Variants in PRKCE observed in about 807,000 individuals in gnomAD.
The protein encoded by PRKCE is protein kinase C epsilon type.
Under a neutral mutation model 85.4 loss-of-function variants are expected in PRKCE, and 16 were observed. That is an observed-to-expected ratio of 0.19 (90% CI 0.13 to 0.28). The LOEUF is 0.28. Among genes scored for constraint, PRKCE ranks in the 10% least tolerant of loss-of-function variants. The pLI, the probability that PRKCE is intolerant of heterozygous loss-of-function variation, is 1.00. For missense variants in PRKCE, 573 were observed against 975.2 expected, an observed-to-expected ratio of 0.59 and a Z score of 5.49; for synonymous variants, 388 against 371.5, an observed-to-expected ratio of 1.04 and a Z score of -0.51.
chr2:46,170,994 G>A (rs879323598), intron 14 of PRKCE, among the ~76,000 whole-genome samples: 4 of 152,204 alleles, frequency 2.6e-5, no homozygotes, highest in South Asian at 4.1e-4. Context: ...CAATAAGACG[G>A]CTTTAAAAAG....
intron 2 of PRKCE, among the ~76,000 whole-genome samples, chr2:45,844,392 A>G (rs944067006): frequency 1.3e-5 from 2 of 152,234 alleles, no homozygotes; most frequent in African/African-American, 4.8e-5. Context: ...ACTGCCCAGA[A>G]TAGAACCTGT....
chr2:46,178,061 A>T (rs1234731267), intron 14 of PRKCE, among the ~76,000 whole-genome samples: 1 of 152,188 alleles, frequency 6.6e-6, no homozygotes, highest in Non-Finnish European at 1.5e-5. Context: ...GGAGTTCGAG[A>T]CCAGCCTGAC....
Position 45,940,436 on chromosome 2 carries a change from A to G in PRKCE, c.413-35993A>G, listed in dbSNP as rs1699790747. 2.0e-5 allele frequency among the ~76,000 whole-genome samples: 3 copies of G among 152,222 alleles called. No individual in the cohort carries two copies. The South Asian group carries it at 6.2e-4, about 31-fold the overall frequency. Reference sequence around the variant, plus strand: ...TGGATGGCCAGAGTATGTGTTTATAATTTATATGAAAACATTTCAAAATGT... The same window carrying G: ...TGGATGGCCAGAGTATGTGTTTATAGTTTATATGAAAACATTTCAAAATGT... On this transcript the variant is annotated intron_variant, in intron 2 of 14. Transcript: ENST00000306156.
intron 1 of PRKCE, among the ~76,000 whole-genome samples, chr2:45,718,624 G>A (rs150267860): frequency 0.045 from 6,829 of 152,184 alleles, 368 homozygotes; most frequent in East Asian, 0.15. Flanking sequence ...TTATAGGCAT[G>A]AGCCACTGCG....
At chr2:45,757,667 A>G (rs922406139) in intron 1 of PRKCE, among the ~76,000 whole-genome samples, 1 of 152,198 alleles carries the variant, frequency 6.6e-6, no homozygotes, top group South Asian at 2.1e-4. Flanking sequence ...TCCTGTCTCT[A>G]TTAAAAAATA....
intron 1 of PRKCE, among the ~76,000 whole-genome samples, chr2:45,717,994 T>G (rs1680286794): frequency 6.6e-6 from 1 of 152,262 alleles, no homozygotes; most frequent in East Asian, 1.9e-4. Context: ...TGGCTGGTTC[T>G]ATAAGAATCC....
intron 10 of PRKCE, among the ~76,000 whole-genome samples, chr2:46,035,526 C>T (rs989437282): frequency 3.3e-5 from 5 of 152,324 alleles, no homozygotes; most frequent in East Asian, 1.9e-4. Flanking sequence ...GGGGTGCCCT[C>T]CCAGACTTAG....
chr2:45,707,847 C>T (rs1378807375), intron 1 of PRKCE, among the ~76,000 whole-genome samples: 1 of 152,212 alleles, frequency 6.6e-6, no homozygotes, highest in Admixed American at 6.5e-5. Flanking sequence ...GTCCCCTTCT[C>T]CTTAGTTCCC....
At chr2:45,961,067 A>G (rs1701343471) in intron 2 of PRKCE, among the ~76,000 whole-genome samples, 1 of 152,236 alleles carries the variant, frequency 6.6e-6, no homozygotes, top group Non-Finnish European at 1.5e-5. Context: ...CTGAATTCCC[A>G]GCTCTCAGGA....
intron 10 of PRKCE, chr2:46,078,319 A>G (rs912157606): frequency 6.6e-6 from 1 of 151,232 alleles, no homozygotes; most frequent in Non-Finnish European, 1.5e-5. Context: ...ACTTGAGGCC[A>G]GGAGTCAGGA....
chr2:45,761,812 A>G (rs1684528100), intron 1 of PRKCE, among the ~76,000 whole-genome samples: 4 of 152,130 alleles, frequency 2.6e-5, no homozygotes, highest in Non-Finnish European at 5.9e-5. Flanking sequence ...CTGATCCCTG[A>G]GCCACCCCGC....
Position 45,984,698 on chromosome 2 carries a change from C to T in PRKCE, c.823+18C>T. On this transcript the variant is annotated intron_variant, in intron 6 of 14. Coordinates refer to ENST00000306156, the MANE Select transcript of PRKCE (RefSeq NM_005400.3). ...GTGTAAAGGTAAGTTGCTCCCTGCC[C>T]TGCCCTCAGCCCCTGCATGTCCCCT... is the stretch of plus-strand genomic sequence containing the variant. The T allele has an allele frequency of 1.3e-6, 2 of 1,593,246 alleles. No homozygotes were observed. Among genetic ancestry groups the T allele is most frequent in the Non-Finnish European group, 1.7e-6 (2 of 1,175,024 alleles).
At chr2:46,114,190 A>C (rs10210161) in intron 11 of PRKCE, among the ~76,000 whole-genome samples, 1 of 151,718 alleles carries the variant, frequency 6.6e-6, no homozygotes, top group Non-Finnish European at 1.5e-5. Context: ...GTATGTCGAG[A>C]GGCACAGAAC....
chr2:45,897,628 T>C (rs2103676199), intron 2 of PRKCE, among the ~76,000 whole-genome samples: 1 of 152,292 alleles, frequency 6.6e-6, no homozygotes, highest in Middle Eastern at 3.4e-3. Flanking sequence ...TGGCACCCCA[T>C]TTTTTATGGC....
intron 13 of PRKCE, among the ~76,000 whole-genome samples, chr2:46,157,920 G>T (rs1677374330): frequency 6.6e-6 from 1 of 152,252 alleles, no homozygotes. Context: ...TGAAGGTGAT[G>T]CAGAACTTTA....
At chr2:45,788,687 G>A (rs186192961) in intron 1 of PRKCE, among the ~76,000 whole-genome samples, 11 of 152,292 alleles carry the variant, frequency 7.2e-5, no homozygotes, top group Admixed American at 2.0e-4. Flanking sequence ...GGGACACTCC[G>A]TCTGAAAGGG....
chr2:45,769,710 G>A (rs537598455), intron 1 of PRKCE, among the ~76,000 whole-genome samples: 2 of 152,142 alleles, frequency 1.3e-5, no homozygotes, highest in Admixed American at 6.5e-5. Flanking sequence ...TTTGTATTCT[G>A]TGCTCACATA....
chr2:45,870,669 G>T (rs374683202), intron 2 of PRKCE, among the ~76,000 whole-genome samples: 1 of 152,288 alleles, frequency 6.6e-6, no homozygotes, highest in South Asian at 2.1e-4. Flanking sequence ...GTGGTCAAGG[G>T]TGTAGTTTTT....
At chr2:45,798,903 C>T (rs1687642771) in intron 1 of PRKCE, among the ~76,000 whole-genome samples, 1 of 151,960 alleles carries the variant, frequency 6.6e-6, no homozygotes, top group East Asian at 1.9e-4. Flanking sequence ...CACGGTGGCT[C>T]ACGCCTATAA....
Sources: gnomAD v4.1 joint callset for allele counts (sites outside exome capture counted in the v4.1 genomes callset) on GRCh38, gnomAD v4.1.1 for gene constraint, MANE v1.5 for transcripts, NCBI Gene and HGNC (gene_info 2026-07-23, HGNC 2026-07-21) for gene names.